Variants in MAGI2 observed in about 807,000 individuals in gnomAD.
MAGI2 encodes membrane associated guanylate kinase, WW and PDZ domain containing 2.
Under a neutral mutation model 133.3 loss-of-function variants are expected in MAGI2, and 35 were observed. That is an observed-to-expected ratio of 0.26 (90% CI 0.20 to 0.35). The LOEUF is 0.35. MAGI2 is among the 10% of genes least tolerant of loss of function. The pLI, the probability that MAGI2 is intolerant of heterozygous loss-of-function variation, is 1.00. For synonymous variants in MAGI2, 729 were observed against 710.6 expected, an observed-to-expected ratio of 1.03 and a Z score of -0.41; for missense variants, 1,636 against 1,863.4, an observed-to-expected ratio of 0.88 and a Z score of 2.25.
At chr7:78,411,856 G>C (rs955201892) in intron 6 of MAGI2, among the ~76,000 whole-genome samples, 5 of 151,974 alleles carry the variant, frequency 3.3e-5, no homozygotes, top group African/African-American at 1.2e-4. Flanking sequence ...TAAGGAGAAA[G>C]GAACTAATAT....
At position 79,077,574 on chromosome 7, in the gene MAGI2, C is replaced by CAAAAAAAAAAAAAA. The variant is rs769770373; in HGVS notation, c.302-70382_302-70369dup. ...TGGGCAACAGAGCGAGACTGCCTCTCAAAAAAAAAAAAAAAAAAAAATAAA... is the reference window on the plus strand; with the variant it reads ...TGGGCAACAGAGCGAGACTGCCTCTCAAAAAAAAAAAAAAAAAAAAAAAAAAAAAAAAAAATAAA... On this transcript the variant is annotated intron_variant, in intron 1 of 21. Transcript: ENST00000354212. Among the ~76,000 whole-genome samples, 17 of 23,772 alleles carry CAAAAAAAAAAAAAA rather than the reference C, an allele frequency of 7.2e-4. 1 individual carries two copies. Among genetic ancestry groups the CAAAAAAAAAAAAAA allele is most frequent in the African/African-American group, 1.5e-3 (10 of 6,594 alleles). The allele number at this position is 23,772 out of a possible 152,430, so 15.6% of individuals were successfully genotyped here.
intron 21 of MAGI2, among the ~76,000 whole-genome samples, chr7:78,038,079 C>T (rs558631967): frequency 6.6e-6 from 1 of 152,342 alleles, no homozygotes; most frequent in East Asian, 1.9e-4. Context: ...TCTTTTACAA[C>T]ATTTACTATA....
chr7:78,954,119 T>C (rs886167135), intron 2 of MAGI2, among the ~76,000 whole-genome samples: 1 of 152,140 alleles, frequency 6.6e-6, no homozygotes, highest in Admixed American at 6.6e-5. Context: ...AAATGTATCC[T>C]ATTACAGAGA....
intron 21 of MAGI2, among the ~76,000 whole-genome samples, chr7:78,036,447 A>G (rs2906511): frequency 0.38 from 57,784 of 151,962 alleles, 11,311 homozygotes; most frequent in Non-Finnish European, 0.4. Context: ...AACATTCACT[A>G]GGCGCTTTCT....
rs73704257 is a variant in MAGI2 at position 79,157,972 on chromosome 7, G to C, written c.302-150766C>G. Among the ~76,000 whole-genome samples, 26 of 145,960 alleles carry C rather than the reference G, an allele frequency of 1.8e-4. No homozygotes were observed. In the East Asian group the frequency reaches 2.7e-3, roughly 15 times the overall value. ...TGTGTGTGTGTGTGTGTGTGTGTGT[G>C]TGTGTATTTAAAAGACCTTTATAAA... On this transcript the variant is annotated intron_variant, in intron 1 of 21. Coordinates refer to ENST00000354212, the MANE Select transcript of MAGI2 (RefSeq NM_012301.4).
At chr7:79,301,889 T>C (rs920343602) in intron 1 of MAGI2, among the ~76,000 whole-genome samples, 8 of 152,134 alleles carry the variant, frequency 5.3e-5, no homozygotes, top group African/African-American at 1.7e-4. Context: ...TCTTACAAGA[T>C]CTGGTCATTT....
chr7:79,189,288 G>A (rs1292103718), intron 1 of MAGI2, among the ~76,000 whole-genome samples: 2 of 110,522 alleles, frequency 1.8e-5, no homozygotes, highest in African/African-American at 7.5e-5. Context: ...CCTCATTCCT[G>A]TTAATGTTTG....
intron 6 of MAGI2, chr7:78,485,203 C>T (rs1792857956): frequency 6.6e-6 from 1 of 151,970 alleles, no homozygotes; most frequent in African/African-American, 2.4e-5. Context: ...TAGTGGTTAA[C>T]TGCTGTTTCT....
chr7:78,090,204 G>T (rs2151214697), intron 20 of MAGI2, among the ~76,000 whole-genome samples: 1 of 152,256 alleles, frequency 6.6e-6, no homozygotes, highest in East Asian at 1.9e-4. Context: ...TGTGTCCACT[G>T]CTCTTACAGC....
Position 78,078,942 on chromosome 7 carries a change from C to T in MAGI2, c.3706+5G>A, listed in dbSNP as rs188293910. 1,266 of 1,612,440 alleles carry T rather than the reference C, an allele frequency of 7.9e-4. 2 individuals carry two copies. The highest frequency in any genetic ancestry group is 1.0e-3 in the Non-Finnish European group (1,204 of 1,179,684). ...CAAAAGGGTGAATTAAAACGTGAAA[C>T]GTACCATATTCTGGGACCTGTCCCG... On this transcript the variant is annotated splice_donor_5th_base_variant and intron_variant, in intron 21 of 21. Transcript: ENST00000354212.
rs186049966 is a variant in MAGI2, at chr7:78,403,388, C to T, written c.1046-34175G>A. 3.6e-3 allele frequency among the ~76,000 whole-genome samples: 544 copies of T among 152,304 alleles called. 1 individual carries two copies. Among genetic ancestry groups the T allele is most frequent in the South Asian group, 0.011 (54 of 4,830 alleles). The stretch of plus-strand genomic sequence containing the variant: ...TGTATATGTGCCACATTTTCCTAAT[C>T]TAGTCTATCATTGTTGGACATTTGG... On this transcript the variant is annotated intron_variant, in intron 6 of 21. Transcript: ENST00000354212.
chr7:78,571,336 A>T (rs943468415), intron 3 of MAGI2, among the ~76,000 whole-genome samples: 3 of 152,194 alleles, frequency 2.0e-5, no homozygotes, highest in African/African-American at 7.2e-5. Context: ...GTTAACTTGA[A>T]TTCAATGTAA....
intron 1 of MAGI2, among the ~76,000 whole-genome samples, chr7:79,054,754 T>G (rs187637765): frequency 4.6e-5 from 7 of 152,344 alleles, no homozygotes; most frequent in African/African-American, 1.7e-4. Flanking sequence ...TGACTCTACC[T>G]GGAATCCCTT....
At chr7:79,295,732 C>T (rs892932302) in intron 1 of MAGI2, among the ~76,000 whole-genome samples, 4 of 151,996 alleles carry the variant, frequency 2.6e-5, no homozygotes, top group African/African-American at 7.2e-5. Flanking sequence ...TTTTTTCACA[C>T]TCTTGTATCC....
chr7:78,601,625 A>T (rs1805220360), intron 3 of MAGI2, among the ~76,000 whole-genome samples: 1 of 152,044 alleles, frequency 6.6e-6, no homozygotes, highest in South Asian at 2.1e-4. Context: ...CTACTGGAGG[A>T]TAGAGGAATT....
intron 21 of MAGI2, among the ~76,000 whole-genome samples, chr7:78,071,637 A>G (rs986252261): frequency 8.5e-5 from 13 of 152,286 alleles, no homozygotes; most frequent in Admixed American, 5.2e-4. Flanking sequence ...GGTTGCCTAC[A>G]TGCTGCAGAG....
At chr7:79,137,808 C>G (rs894072201) in intron 1 of MAGI2, among the ~76,000 whole-genome samples, 2 of 152,042 alleles carry the variant, frequency 1.3e-5, no homozygotes, top group Non-Finnish European at 2.9e-5. Context: ...TAGTACCCCC[C>G]ACCCCACAAC....
At chr7:78,296,671 T>TTTTC (rs1797280676) in intron 9 of MAGI2, among the ~76,000 whole-genome samples, 1 of 152,196 alleles carries the variant, frequency 6.6e-6, no homozygotes, top group Non-Finnish European at 1.5e-5. Context: ...GCTCACTCCC[T>TTTTC]TTTCTCCACA....
At chr7:78,585,818 AC>A (rs1156945943) in intron 3 of MAGI2, among the ~76,000 whole-genome samples, 2 of 152,196 alleles carry the variant, frequency 1.3e-5, no homozygotes, top group Non-Finnish European at 2.9e-5. Flanking sequence ...GGGTGGGGTT[AC>A]TTTACAGTCT....
Sources: gnomAD v4.1 joint callset for allele counts (sites outside exome capture counted in the v4.1 genomes callset) on GRCh38, gnomAD v4.1.1 for gene constraint, MANE v1.5 for transcripts, NCBI Gene and HGNC (gene_info 2026-07-23, HGNC 2026-07-21) for gene names.